The following TDP1 variants were observed in gnomAD, a reference collection of about 807,000 sequenced individuals.
TDP1 encodes the protein tyr-DNA phosphodiesterase 1.
A neutral mutation model predicts 81.5 loss-of-function variants in TDP1; 64 were observed. The ratio of observed to expected loss-of-function variants is 0.79; its 90% CI spans 0.64 to 0.97. The LOEUF is 0.97. TDP1 is among the 50% of genes least tolerant of loss of function. The pLI is 0.00. For synonymous variants in TDP1, 256 were observed against 264.3 expected (o/e 0.97, Z 0.30); for missense variants, 723 against 743.8 (o/e 0.97, Z 0.33).
intron 15 of TDP1, among the ~76,000 whole-genome samples, chr14:90,023,829 A>C (rs1886356564): frequency 1.3e-5 from 2 of 151,994 alleles, no homozygotes; most frequent in Admixed American, 6.6e-5. Context: ...GTGCCACTAC[A>C]CCCAGCTGAC....
At chr14:89,988,492 G>C in intron 10 of TDP1, 1 of 621,794 alleles carries the variant, frequency 1.6e-6, no homozygotes, top group Non-Finnish European at 2.0e-6. Context: ...TTTAGTAGTT[G>C]CATGCCAGGA....
At position 90,043,764 on chromosome 14, in the gene TDP1, T is replaced by G. The variant is rs1331336533; in HGVS notation, c.*621T>G. ...AGGGATGCTCAAATCTATATAGATA[T>G]AAAATTATCCTCACAGTAACATAGA... On this transcript the variant is annotated 3_prime_UTR_variant, in exon 17 of 17. Coordinates refer to ENST00000335725, the MANE Select transcript of TDP1 (RefSeq NM_018319.4). The G allele has an allele frequency of 6.5e-6, 1 of 154,404 alleles. No individual in the cohort carries two copies. Among genetic ancestry groups the G allele is most frequent in the African/African-American group, 2.4e-5 (1 of 41,452 alleles). 9.6% of individuals were successfully genotyped at this position (154,404 alleles called of 1,614,324 possible). A position where few individuals can be genotyped will look rare whatever the true frequency, so the allele number is the denominator to read the frequency against.
In TDP1 at chr14:90,015,391, C is replaced by A. The variant is rs193013221; in HGVS notation, c.1542-3925C>A. Among the ~76,000 whole-genome samples the A allele has an allele frequency of 2.8e-4, 42 of 152,304 alleles. 1 individual carries two copies. The East Asian group carries it at 8.1e-3, about 29-fold the overall frequency. ...GAATGTTCATATTGGGGACTCAGGTCAAACCTGTAATAAGCAGTCACACCT... is the reference window on the plus strand; with the variant it reads ...GAATGTTCATATTGGGGACTCAGGTAAAACCTGTAATAAGCAGTCACACCT... On this transcript the variant is annotated intron_variant, in intron 14 of 16. Coordinates refer to ENST00000335725, the MANE Select transcript of TDP1 (RefSeq NM_018319.4).
chr14:90,033,814 A>G (rs907507897), intron 16 of TDP1, among the ~76,000 whole-genome samples: 2 of 152,196 alleles, frequency 1.3e-5, no homozygotes, highest in Non-Finnish European at 1.5e-5. Context: ...CTGTAATCCC[A>G]GCACCCTTGG....
chr14:90,033,936 T>A (rs1034786280), intron 16 of TDP1, among the ~76,000 whole-genome samples: 10 of 152,020 alleles, frequency 6.6e-5, no homozygotes, highest in African/African-American at 2.2e-4. Context: ...GTGTGGTGGA[T>A]CATGCCTGTA....
chr14:90,013,088 C>G (rs562307034), intron 14 of TDP1, among the ~76,000 whole-genome samples: 2 of 152,364 alleles, frequency 1.3e-5, no homozygotes, highest in South Asian at 2.1e-4. Context: ...TAGGAAGTAA[C>G]TGACTTGCTG....
intron 15 of TDP1, among the ~76,000 whole-genome samples, chr14:90,031,559 A>G (rs1267382622): frequency 6.6e-6 from 1 of 151,972 alleles, no homozygotes; most frequent in Non-Finnish European, 1.5e-5. Context: ...CGGGAGGCTG[A>G]GGCATGAGAA....
chr14:90,026,690 A>G (rs931452569), intron 15 of TDP1, among the ~76,000 whole-genome samples: 7 of 151,484 alleles, frequency 4.6e-5, no homozygotes, highest in African/African-American at 1.2e-4. Context: ...ATTTCCACCT[A>G]TGAGTGAGAA....
At chr14:89,992,073 C>G (rs958762241) in intron 13 of TDP1, 90 bp downstream of exon 13, 145 of 1,067,788 alleles carry the variant, frequency 1.4e-4, no homozygotes, top group Non-Finnish European at 1.7e-4. Flanking sequence ...TTAAAAGGAA[C>G]TTTATGTAAT....
Position 89,975,802 on chromosome 14 carries a change from G to A in TDP1, c.778G>A (p.Gly260Arg), listed in dbSNP as rs974138743. The A allele has an allele frequency of 2.5e-6, 4 of 1,613,134 alleles. No homozygotes were observed. Among genetic ancestry groups the A allele is most frequent in the Non-Finnish European group, 3.4e-6 (4 of 1,179,202 alleles). Reference protein sequence around the residue: ...LCQAKLDIAFGTHHTKMMLLL... With the variant: ...LCQAKLDIAFRTHHTKMMLLL... Reference sequence around the variant, plus strand: ...CTAGGCAAAGTTGGATATTGCGTTTGGAACACACCACACGTAAGCACTTTT... The same window carrying A: ...CTAGGCAAAGTTGGATATTGCGTTTAGAACACACCACACGTAAGCACTTTT... The change falls in exon 7 of 17, where the codon GGA becomes AGA. Residue 260 changes from glycine (G) to arginine (R), a missense_variant. Gly to Arg is a moderately radical substitution (Grantham distance 125). Transcript: ENST00000335725.
intron 7 of TDP1, among the ~76,000 whole-genome samples, chr14:89,978,118 C>T (rs1325037986): frequency 6.6e-6 from 1 of 152,136 alleles, no homozygotes; most frequent in African/African-American, 2.4e-5. Context: ...ATCATTTAGT[C>T]CTCTTTCCCA....
intron 7 of TDP1, among the ~76,000 whole-genome samples, chr14:89,976,464 G>A (rs1370422492): frequency 7.1e-6 from 1 of 141,522 alleles, no homozygotes; most frequent in Non-Finnish European, 1.6e-5. Flanking sequence ...ATTTCCTTTG[G>A]TCCATTCACC....
chr14:90,020,002 G>A (rs1352391307), intron 15 of TDP1, among the ~76,000 whole-genome samples: 6 of 152,170 alleles, frequency 3.9e-5, no homozygotes, highest in Non-Finnish European at 8.8e-5. Context: ...TTCTGGCCCA[G>A]TAAGCCCCCT....
intron 4 of TDP1, among the ~76,000 whole-genome samples, chr14:89,966,762 G>C (rs1892988017): frequency 6.6e-6 from 1 of 152,124 alleles, no homozygotes. Flanking sequence ...TTGGAAGGTG[G>C]GGAGCATTTG....
chr14:89,961,774 T>A (rs57013631), intron 2 of TDP1, among the ~76,000 whole-genome samples: 23,355 of 152,184 alleles, frequency 0.15, 3,906 homozygotes, highest in African/African-American at 0.42. Context: ...AGAATAATGT[T>A]GAATTCTCTT....
intron 14 of TDP1, among the ~76,000 whole-genome samples, chr14:90,004,619 G>A (rs1422787302): frequency 6.6e-6 from 1 of 152,210 alleles, no homozygotes; most frequent in Non-Finnish European, 1.5e-5. Context: ...TCTTGTTTAT[G>A]TGCCAGGTGC....
rs1240263898 is a variant in TDP1 at position 89,993,470 on chromosome 14, T to C, written c.1528T>C (p.Phe510Leu). The change falls in exon 14 of 17, where the codon TTC (phenylalanine) becomes CTC (leucine). Residue 510 changes from phenylalanine to leucine, a missense_variant. Transcript: ENST00000335725. ...PSPDFSKIAW[F>L]LVTSANLSKA... The stretch of plus-strand genomic sequence containing the variant: ...TCCAGACTTCAGTAAAATTGCTTGG[T>C]TCCTTGTCACAAGGTAAATAGTCCT... 2 of 1,613,544 alleles carry C rather than the reference T, an allele frequency of 1.2e-6. No homozygotes were observed. Among genetic ancestry groups the C allele is most frequent in the South Asian group, 2.2e-5 (2 of 91,062 alleles).
chr14:89,980,709 T>A, intron 8 of TDP1, 77 bp downstream of exon 8: 1 of 1,200,034 alleles, frequency 8.3e-7, no homozygotes, highest in Non-Finnish European at 1.2e-6. Flanking sequence ...ACTTTATTCT[T>A]TTTTCTATTT....
chr14:89,963,351 C>T lies in TDP1; in HGVS notation c.237C>T (p.Ser79=), dbSNP rs143839052. Residue 79 remains serine (S), a synonymous_variant, in exon 3 of 17, where the codon AGC becomes AGT. Transcript: ENST00000335725. ...TTTTACCTCCCAAAAGGCAGAAAAGCGGTTCCCAGGAGGACCTCGGCTGGT... is the reference window on the plus strand; with the variant it reads ...TTTTACCTCCCAAAAGGCAGAAAAGTGGTTCCCAGGAGGACCTCGGCTGGT... ...DSVLPPKRQK[S]GSQEDLGWCL... is the part of the protein sequence containing the mutation. 153 of 1,614,166 alleles carry T rather than the reference C, an allele frequency of 9.5e-5. 2 individuals are homozygous for T. Among genetic ancestry groups the T allele is most frequent in the Middle Eastern group, 4.9e-4 (3 of 6,062 alleles).
Sources: allele counts gnomAD v4.1 joint callset (sites outside exome capture counted in the v4.1 genomes callset), GRCh38; gene constraint gnomAD v4.1.1; transcripts MANE v1.5; gene names NCBI Gene and HGNC (gene_info 2026-07-23, HGNC 2026-07-21).